The following CMSS1 variants were observed in gnomAD, a reference collection of about 807,000 sequenced individuals.
CMSS1 encodes protein CMSS1.
A neutral mutation model predicts 43.5 loss-of-function variants in CMSS1; 33 were observed. The observed-to-expected ratio is 0.76, with a 90% CI of 0.57 to 1.01. The LOEUF (loss-of-function observed/expected upper bound fraction) is 1.01. Ranked by LOEUF, CMSS1 falls within the 50% of genes least tolerant of loss-of-function variation. The pLI is 0.00. For synonymous variants in CMSS1, 115 were observed against 117.2 expected, an observed-to-expected ratio of 0.98 and a Z score of 0.12; for missense variants, 313 against 326.4, an observed-to-expected ratio of 0.96 and a Z score of 0.32.
intron 1 of CMSS1, among the ~76,000 whole-genome samples, chr3:99,866,854 C>T (rs1944546560): frequency 6.6e-6 from 1 of 152,188 alleles, no homozygotes; most frequent in Admixed American, 6.5e-5. Flanking sequence ...TCTGCTGGAA[C>T]ATGAATGACC....
rs377593790 is a variant in CMSS1 at position 100,104,967 on chromosome 3, T to C, written c.65-42006T>C. On this transcript the variant is annotated intron_variant, in intron 1 of 9. Transcript: ENST00000421999. ...TCACCTATGCATTAACTCTAATCTT[T>C]CTGTAAAAGTATCTGCCTTTATTTA... 1.1e-4 allele frequency among the ~76,000 whole-genome samples: 16 copies of C among 152,314 alleles called. No homozygotes were observed. The South Asian group carries it at 3.3e-3, about 32-fold the overall frequency.
chr3:99,851,309 A>G (rs535623881), intron 1 of CMSS1, among the ~76,000 whole-genome samples: 15 of 152,280 alleles, frequency 9.9e-5, no homozygotes, highest in African/African-American at 3.6e-4. Context: ...GCCTTAGTAA[A>G]AGAGTAAGGG....
chr3:99,889,269 AT>A (rs1380238324), intron 1 of CMSS1, among the ~76,000 whole-genome samples: 1 of 152,122 alleles, frequency 6.6e-6, no homozygotes, highest in Non-Finnish European at 1.5e-5. Context: ...TGCTTTACAT[AT>A]TTTTAGATGC....
At chr3:99,825,410 AGGAG>A (rs989104841) in intron 1 of CMSS1, among the ~76,000 whole-genome samples, 4 of 152,334 alleles carry the variant, frequency 2.6e-5, no homozygotes, top group African/African-American at 9.6e-5. Flanking sequence ...AAGAAGAAAG[AGGAG>A]GGAGAAAAAT....
chr3:100,108,978 C>T (rs1404450772), intron 1 of CMSS1, among the ~76,000 whole-genome samples: 2 of 151,536 alleles, frequency 1.3e-5, no homozygotes, highest in African/African-American at 4.9e-5. Flanking sequence ...GAGTTTATTG[C>T]GTAGTTTTTG....
At chr3:100,085,492 C>G (rs904072908) in intron 1 of CMSS1, among the ~76,000 whole-genome samples, 2 of 152,190 alleles carry the variant, frequency 1.3e-5, no homozygotes, top group African/African-American at 4.8e-5. Context: ...ATCCAAAGTT[C>G]CTTTGCTTTT....
At position 99,871,235 on chromosome 3, in the gene CMSS1, G is replaced by C. The variant is rs556722213; in HGVS notation, c.64+53192G>C. On this transcript the variant is annotated intron_variant, in intron 1 of 9. Coordinates refer to ENST00000421999, the MANE Select transcript of CMSS1 (RefSeq NM_032359.4). Reference sequence around the variant, plus strand: ...TTCCATATGGTTGCTTTAAGTAGTGGCTGAGATTTGTTTTCAGCTCCTAAA... The same window carrying C: ...TTCCATATGGTTGCTTTAAGTAGTGCCTGAGATTTGTTTTCAGCTCCTAAA... 1.1e-4 allele frequency among the ~76,000 whole-genome samples: 17 copies of C among 152,260 alleles called. No individual in the cohort carries two copies. The East Asian group carries it at 3.3e-3, about 29-fold the overall frequency.
intron 9 of CMSS1, among the ~76,000 whole-genome samples, chr3:100,177,854 C>T (rs914551783): frequency 6.6e-6 from 1 of 152,154 alleles, no homozygotes; most frequent in African/African-American, 2.4e-5. Flanking sequence ...CACAGTGACT[C>T]ACACCAGTAA....
intron 1 of CMSS1, among the ~76,000 whole-genome samples, chr3:99,932,951 C>G (rs896855871): frequency 6.6e-5 from 10 of 152,166 alleles, no homozygotes; most frequent in African/African-American, 2.4e-4. Flanking sequence ...TGAGGGAGCA[C>G]TTACTATGTG....
intron 1 of CMSS1, among the ~76,000 whole-genome samples, chr3:99,860,938 A>G (rs1944219615): frequency 6.6e-6 from 1 of 152,148 alleles, no homozygotes; most frequent in Non-Finnish European, 1.5e-5. Context: ...ATACCTACTC[A>G]AATGAAGTTT....
At chr3:100,079,864 A>T (rs1463822032) in intron 1 of CMSS1, among the ~76,000 whole-genome samples, 1 of 152,190 alleles carries the variant, frequency 6.6e-6, no homozygotes, top group South Asian at 2.1e-4. Context: ...AAAAATAACT[A>T]ACATAAAATA....
intron 1 of CMSS1, among the ~76,000 whole-genome samples, chr3:100,016,482 G>A (rs1010557928): frequency 6.6e-6 from 1 of 152,192 alleles, no homozygotes; most frequent in African/African-American, 2.4e-5. Flanking sequence ...ACTACACCCA[G>A]CTGGGTCAGC....
chr3:99,833,924 G>A (rs1290787630), intron 1 of CMSS1, among the ~76,000 whole-genome samples: 2 of 152,302 alleles, frequency 1.3e-5, no homozygotes, highest in East Asian at 3.9e-4. Context: ...GTGTTTAATG[G>A]GAAAGTATAT....
intron 6 of CMSS1, among the ~76,000 whole-genome samples, chr3:100,170,926 G>T (rs993516762): frequency 1.3e-5 from 2 of 152,158 alleles, no homozygotes; most frequent in Non-Finnish European, 2.9e-5. Flanking sequence ...ATTTGTGAGT[G>T]ACTTGCCCAT....
chr3:99,832,262 G>T (rs1331326350), intron 1 of CMSS1, among the ~76,000 whole-genome samples: 1 of 141,292 alleles, frequency 7.1e-6, no homozygotes, highest in Admixed American at 7.2e-5. Flanking sequence ...ACGGAGTCTC[G>T]CTGTATCACC....
chr3:99,894,840 T>C (rs182119739), intron 1 of CMSS1, among the ~76,000 whole-genome samples: 2 of 152,344 alleles, frequency 1.3e-5, no homozygotes, highest in East Asian at 3.9e-4. Context: ...ATTATTACAG[T>C]ACGGAGTAGA....
intron 1 of CMSS1, among the ~76,000 whole-genome samples, chr3:100,102,322 A>G (rs1053078923): frequency 1.3e-5 from 2 of 151,928 alleles, no homozygotes; most frequent in African/African-American, 4.8e-5. Flanking sequence ...TCTAACTGGT[A>G]TGAGATGGTA....
intron 1 of CMSS1, among the ~76,000 whole-genome samples, chr3:99,926,234 A>G (rs1707289181): frequency 6.6e-6 from 1 of 152,244 alleles, no homozygotes. Flanking sequence ...GTCCCAGCAT[A>G]TAGAACCCAG....
At chr3:99,992,643 T>C (rs983842578) in intron 1 of CMSS1, among the ~76,000 whole-genome samples, 1 of 152,124 alleles carries the variant, frequency 6.6e-6, no homozygotes, top group African/African-American at 2.4e-5. Context: ...TTATTTCTTT[T>C]GGTATACACA....
Sources: gnomAD v4.1 joint callset for allele counts (sites outside exome capture counted in the v4.1 genomes callset) on GRCh38, gnomAD v4.1.1 for gene constraint, MANE v1.5 for transcripts, NCBI Gene and HGNC (gene_info 2026-07-23, HGNC 2026-07-21) for gene names.